The following PLXDC2 variants were observed in gnomAD, a reference collection of about 807,000 sequenced individuals.
PLXDC2 encodes plexin domain-containing protein 2.
PLXDC2 carries 40 observed loss-of-function variants against 68.9 expected under a neutral mutation model. That is an observed-to-expected ratio of 0.58 (90% CI 0.45 to 0.76). PLXDC2 has a LOEUF of 0.76. Among genes scored for constraint, PLXDC2 ranks in the 30% least tolerant of loss-of-function variants. The probability of loss-of-function intolerance (pLI) is 0.00; values close to 1 mark genes in which losing one functional copy is unlikely to be tolerated. For synonymous variants in PLXDC2, 243 were observed against 234.2 expected (o/e 1.04, Z -0.34); for missense variants, 644 against 661.9 (o/e 0.97, Z 0.30).
chr10:20,258,095 G>A (rs934741657), intron 13 of PLXDC2, among the ~76,000 whole-genome samples: 8 of 139,772 alleles, frequency 5.7e-5, no homozygotes, highest in South Asian at 2.4e-4. Context: ...TCCGCCTCCC[G>A]AGTTCAAGCA....
At chr10:20,204,402 T>G (rs1385200819) in intron 9 of PLXDC2, among the ~76,000 whole-genome samples, 1 of 152,174 alleles carries the variant, frequency 6.6e-6, no homozygotes, top group Admixed American at 6.6e-5. Flanking sequence ...TCATCTCATT[T>G]AAAATACTGA....
intron 4 of PLXDC2, among the ~76,000 whole-genome samples, chr10:20,069,950 A>G (rs1836288070): frequency 1.3e-5 from 2 of 152,224 alleles, no homozygotes; most frequent in Non-Finnish European, 2.9e-5. Flanking sequence ...AGACTATAGA[A>G]AAATTGTTGT....
chr10:20,147,094 T>C (rs1188342720), intron 5 of PLXDC2, among the ~76,000 whole-genome samples: 1 of 152,174 alleles, frequency 6.6e-6, no homozygotes, highest in Admixed American at 6.5e-5. Context: ...ATGTTTCAGT[T>C]TTTATTTCAT....
chr10:20,047,805 A>G (rs1447442042), intron 3 of PLXDC2, among the ~76,000 whole-genome samples: 1 of 152,142 alleles, frequency 6.6e-6, no homozygotes, highest in Non-Finnish European at 1.5e-5. Flanking sequence ...AGTCTTGGAA[A>G]ATTCAGATAA....
chr10:19,818,227 G>GGTGTGTGTGTGT lies in PLXDC2; in HGVS notation c.112+1071_112+1082dup, dbSNP rs749435110. Among the ~76,000 whole-genome samples, 366 of 137,594 alleles carry GGTGTGTGTGTGT rather than the reference G, an allele frequency of 2.7e-3. 3 individuals are homozygous for GGTGTGTGTGTGT. Among genetic ancestry groups the GGTGTGTGTGTGT allele is most frequent in the African/African-American group, 6.4e-3 (229 of 35,934 alleles). The allele number at this position is 137,594 out of a possible 152,430, so 90.3% of individuals were successfully genotyped here. ...TCAATTTGTCAATTTGTTCTTTTCT[G>GGTGTGTGTGTGT]GTGTGTGTGTGTGTGTGTGTGTGTG... On this transcript the variant is annotated intron_variant, in intron 1 of 13. Coordinates refer to ENST00000377252, the MANE Select transcript of PLXDC2 (RefSeq NM_032812.9).
chr10:20,007,854 C>G (rs1037911944), intron 2 of PLXDC2, among the ~76,000 whole-genome samples: 18 of 152,124 alleles, frequency 1.2e-4, no homozygotes, highest in African/African-American at 4.3e-4. Flanking sequence ...TAGGTGCCTG[C>G]CAACAGTATG....
At position 20,197,210 on chromosome 10, in the gene PLXDC2, A is replaced by C. The variant is rs543557875; in HGVS notation, c.1062-14459A>C. Among the ~76,000 whole-genome samples, 3 of 152,308 alleles carry C rather than the reference A, an allele frequency of 2.0e-5. No individual in the cohort carries two copies. The East Asian group carries it at 5.8e-4, about 29-fold the overall frequency. ...ACAATAAATATAAGCATCTTTTTCT[A>C]AAGTAAAAAATATGCAACATTTCAT... On this transcript the variant is annotated intron_variant, in intron 9 of 13. Coordinates refer to ENST00000377252, the MANE Select transcript of PLXDC2 (RefSeq NM_032812.9).
chr10:20,046,892 T>C lies in PLXDC2; in HGVS notation c.348T>C (p.Tyr116=), dbSNP rs1202040579. 3.7e-6 allele frequency: 6 copies of C among 1,611,918 alleles called. No homozygotes were observed. Among genetic ancestry groups the C allele is most frequent in the South Asian group, 1.1e-5 (1 of 90,886 alleles). The part of the protein sequence containing the change: ...QIEEDTDHNY[Y]ISRIYGPSDS... ...AGGAGGATACAGACCACAATTACTA[T>C]ATATCTCGAATATATGGTCCATCTG... The change falls in exon 3 of 14, where the codon TAT becomes TAC. Residue 116 remains tyrosine, a synonymous_variant. Coordinates refer to ENST00000377252, the MANE Select transcript of PLXDC2 (RefSeq NM_032812.9).
At chr10:20,022,464 A>T (rs1835328895) in intron 2 of PLXDC2, among the ~76,000 whole-genome samples, 1 of 152,224 alleles carries the variant, frequency 6.6e-6, no homozygotes, top group African/African-American at 2.4e-5. Context: ...GGCTGAGGTC[A>T]GAACCCAGAG....
At chr10:20,267,641 A>C (rs1336208290) in intron 13 of PLXDC2, among the ~76,000 whole-genome samples, 2 of 152,126 alleles carry the variant, frequency 1.3e-5, no homozygotes, top group African/African-American at 4.8e-5. Flanking sequence ...CCACTCCTAC[A>C]CAATTTTCTT....
Position 20,281,954 on chromosome 10 carries a change from T to C in PLXDC2, c.*2135T>C, listed in dbSNP as rs1354423479. 6.6e-6 allele frequency: 1 copy of C among 152,172 alleles called. No homozygotes were observed. Among genetic ancestry groups the C allele is most frequent in the East Asian group, 1.9e-4 (1 of 5,196 alleles). 9.4% of individuals were successfully genotyped at this position (152,172 alleles called of 1,614,324 possible). Reference sequence around the variant, plus strand: ...TAAATCTTGCATGTGTATTCTTAGTTTGTGTCCCTTAAGTACTACTTAATT... The same window carrying C: ...TAAATCTTGCATGTGTATTCTTAGTCTGTGTCCCTTAAGTACTACTTAATT... On this transcript the variant is annotated 3_prime_UTR_variant, in exon 14 of 14. Transcript: ENST00000377252.
intron 9 of PLXDC2, among the ~76,000 whole-genome samples, chr10:20,206,998 C>G (rs1234507709): frequency 6.6e-6 from 1 of 152,114 alleles, no homozygotes. Context: ...AACTGTCTCT[C>G]ACACACACAT....
chr10:19,847,118 A>G (rs1390363526), intron 1 of PLXDC2, among the ~76,000 whole-genome samples: 1 of 152,110 alleles, frequency 6.6e-6, no homozygotes, highest in Non-Finnish European at 1.5e-5. Context: ...GAGATTTGGG[A>G]GGGGACACAG....
intron 3 of PLXDC2, among the ~76,000 whole-genome samples, chr10:20,049,129 T>C (rs1223471730): frequency 6.6e-6 from 1 of 151,960 alleles, no homozygotes; most frequent in Non-Finnish European, 1.5e-5. Flanking sequence ...GAGTTAGAAA[T>C]TGGTGGAAAA....
At chr10:20,271,047 T>C (rs1835933365) in intron 13 of PLXDC2, among the ~76,000 whole-genome samples, 1 of 151,490 alleles carries the variant, frequency 6.6e-6, no homozygotes, top group Admixed American at 6.6e-5. Context: ...AATAAAGAGT[T>C]GGGTCTTGTC....
At chr10:20,175,017 T>C (rs117066500) in intron 7 of PLXDC2, among the ~76,000 whole-genome samples, 2,564 of 152,190 alleles carry the variant, frequency 0.017, 34 homozygotes, top group Non-Finnish European at 0.023. Context: ...TTTCTCTAAG[T>C]GAGGAATGGA....
chr10:19,907,587 A>G (rs1833188503), intron 1 of PLXDC2, among the ~76,000 whole-genome samples: 1 of 152,238 alleles, frequency 6.6e-6, no homozygotes, highest in African/African-American at 2.4e-5. Context: ...CATGAAAGCA[A>G]TGGCAACATA....
chr10:20,071,861 G>A lies in PLXDC2; in HGVS notation c.541+3622G>A, dbSNP rs528651800. ...TTAGAGGAAGGTAGAATTTTAGTAGGCAAAGAGGCAGTTGAGAAGAAGTGG... is the reference window on the plus strand; with the variant it reads ...TTAGAGGAAGGTAGAATTTTAGTAGACAAAGAGGCAGTTGAGAAGAAGTGG... On this transcript the variant is annotated intron_variant, in intron 4 of 13. Transcript: ENST00000377252. 2.0e-5 allele frequency among the ~76,000 whole-genome samples: 3 copies of A among 152,250 alleles called. No individual in the cohort carries two copies. In the East Asian group the frequency reaches 5.8e-4, roughly 29 times the overall value.
At chr10:19,842,996 A>T (rs1836937061) in intron 1 of PLXDC2, among the ~76,000 whole-genome samples, 1 of 152,166 alleles carries the variant, frequency 6.6e-6, no homozygotes, top group Admixed American at 6.6e-5. Flanking sequence ...GCTTCAATTT[A>T]AAAATATATT....
Sources: gnomAD v4.1 joint callset for allele counts (sites outside exome capture counted in the v4.1 genomes callset) on GRCh38, gnomAD v4.1.1 for gene constraint, MANE v1.5 for transcripts, NCBI Gene and HGNC (gene_info 2026-07-23, HGNC 2026-07-21) for gene names.